The following SP100 variants were observed in gnomAD, a reference collection of about 807,000 sequenced individuals.
SP100 encodes SP100 nuclear body protein, also known as nuclear autoantigen Sp-100.
SP100 carries 84 observed loss-of-function variants against 130.0 expected under a neutral mutation model. The observed-to-expected ratio is 0.65, with a 90% CI of 0.54 to 0.77. The LOEUF is 0.77. Ranked by LOEUF, SP100 falls within the 30% of genes least tolerant of loss-of-function variation. The pLI, the probability that SP100 is intolerant of heterozygous loss-of-function variation, is 0.00. For missense variants in SP100, 978 were observed against 1,052.2 expected, an observed-to-expected ratio of 0.93 and a Z score of 0.97; for synonymous variants, 331 against 351.7, an observed-to-expected ratio of 0.94 and a Z score of 0.66.
chr2:230,511,196 A>G, intron 24 of SP100, 30 bp downstream of exon 24: 1 of 1,534,162 alleles, frequency 6.5e-7, no homozygotes, highest in Non-Finnish European at 9.0e-7. Context: ...TATGACCCCA[A>G]AATAAGTCAG....
chr2:230,431,650 G>A (rs1354028625), intron 2 of SP100, among the ~76,000 whole-genome samples: 1 of 152,124 alleles, frequency 6.6e-6, no homozygotes, highest in Non-Finnish European at 1.5e-5. Flanking sequence ...TAAGGTTCTA[G>A]CTTCAGCTCT....
intron 23 of SP100, chr2:230,510,423 G>T (rs1690485519): frequency 6.7e-6 from 1 of 149,950 alleles, no homozygotes; most frequent in Non-Finnish European, 1.4e-5. Flanking sequence ...AGCTGTGGAG[G>T]AAGAGTCGGC....
chr2:230,427,322 C>T (rs974114898), intron 2 of SP100, among the ~76,000 whole-genome samples: 5 of 152,002 alleles, frequency 3.3e-5, no homozygotes, highest in Admixed American at 6.5e-5. Context: ...CCACCACACC[C>T]GGCTAATTTT....
At chr2:230,462,777 T>C (rs970302051) in intron 10 of SP100, 1 of 452,202 alleles carries the variant, frequency 2.2e-6, no homozygotes, top group Non-Finnish European at 4.1e-6. Flanking sequence ...ATTGATTATA[T>C]AGTAGGAATA....
intron 2 of SP100, among the ~76,000 whole-genome samples, chr2:230,439,516 C>G (rs573069907): frequency 6.6e-6 from 1 of 152,122 alleles, no homozygotes; most frequent in South Asian, 2.1e-4. Context: ...TCTTTCACCT[C>G]CTTGGTTAGG....
chr2:230,510,725 G>C (rs890435804), intron 23 of SP100: 3 of 230,978 alleles, frequency 1.3e-5, no homozygotes, highest in African/African-American at 7.1e-5. Flanking sequence ...TTGATCTCTT[G>C]ACCTTGTGAT....
intron 2 of SP100, among the ~76,000 whole-genome samples, chr2:230,419,869 T>C (rs1213489263): frequency 6.6e-6 from 1 of 152,206 alleles, no homozygotes; most frequent in Admixed American, 6.5e-5. Flanking sequence ...TGAATTTGCG[T>C]TGGTGACCCA....
At chr2:230,492,535 G>A (rs1252391462) in intron 17 of SP100, among the ~76,000 whole-genome samples, 1 of 152,108 alleles carries the variant, frequency 6.6e-6, no homozygotes, top group Non-Finnish European at 1.5e-5. Context: ...CAAACTCCTG[G>A]CTTCAAGCGA....
chr2:230,471,274 G>A (rs1287964230), intron 15 of SP100, among the ~76,000 whole-genome samples: 2 of 152,088 alleles, frequency 1.3e-5, no homozygotes, highest in Non-Finnish European at 2.9e-5. Flanking sequence ...GTGAGAAGGA[G>A]AACGAAGTGT....
chr2:230,428,275 G>T (rs867880790), intron 2 of SP100, among the ~76,000 whole-genome samples: 12 of 152,256 alleles, frequency 7.9e-5, no homozygotes, highest in Middle Eastern at 3.4e-3. Context: ...CTGAGACTGT[G>T]TAATTTATAA....
chr2:230,466,617 T>C (rs1469281691), intron 12 of SP100, among the ~76,000 whole-genome samples: 1 of 152,150 alleles, frequency 6.6e-6, no homozygotes, highest in Non-Finnish European at 1.5e-5. Context: ...GAAGTTTGTA[T>C]TTTTTTCAAC....
intron 8 of SP100, among the ~76,000 whole-genome samples, chr2:230,459,097 A>T (rs959629176): frequency 1.3e-5 from 2 of 152,220 alleles, no homozygotes; most frequent in African/African-American, 4.8e-5. Flanking sequence ...TCTAAGAGAC[A>T]ATAATTTTTA....
chr2:230,527,650 T>A (rs1411929635), intron 24 of SP100, among the ~76,000 whole-genome samples: 2 of 152,088 alleles, frequency 1.3e-5, no homozygotes, highest in Non-Finnish European at 1.5e-5. Flanking sequence ...AGAGTCAAGA[T>A]CCATCAGTGT....
intron 17 of SP100, among the ~76,000 whole-genome samples, chr2:230,490,489 C>T (rs2066338208): frequency 6.6e-6 from 1 of 152,150 alleles, no homozygotes; most frequent in Non-Finnish European, 1.5e-5. Flanking sequence ...AGCCCATTTA[C>T]ATTTAAGGTT....
chr2:230,543,800 TA>T lies in SP100; in HGVS notation c.*858del. On this transcript the variant is annotated 3_prime_UTR_variant, in exon 29 of 29. Transcript: ENST00000340126. The stretch of plus-strand genomic sequence containing the variant: ...CAATGACATTCTTCACAGAACTAGA[TA>T]AAACTATTTTAAAATTCATACAGAA... 1.3e-5 allele frequency: 2 copies of T among 152,194 alleles called. No homozygotes were observed. The highest frequency in any genetic ancestry group is 4.1e-4 in the South Asian group (2 of 4,824). The allele number at this position is 152,194 out of a possible 1,614,324, so 9.4% of individuals were successfully genotyped here. A position where few individuals can be genotyped will look rare whatever the true frequency, so the allele number is the denominator to read the frequency against.
intron 19 of SP100, 151 bp downstream of exon 19, chr2:230,498,686 A>G: frequency 2.3e-6 from 1 of 427,212 alleles, no homozygotes; most frequent in Non-Finnish European, 4.1e-6. Context: ...GTCAGGGAAA[A>G]AAAGATGATA....
At chr2:230,468,543 G>A (rs1034408031) in intron 13 of SP100, among the ~76,000 whole-genome samples, 3 of 150,266 alleles carry the variant, frequency 2.0e-5, no homozygotes, top group Non-Finnish European at 4.5e-5. Flanking sequence ...GGTGGCTCAC[G>A]CCTATAATCC....
chr2:230,520,381 C>T (rs1418427158), intron 24 of SP100, among the ~76,000 whole-genome samples: 1 of 152,184 alleles, frequency 6.6e-6, no homozygotes, highest in Non-Finnish European at 1.5e-5. Flanking sequence ...CCATCCAAAA[C>T]CTTGAGAGAA....
chr2:230,440,515 AC>A (rs2063436419), intron 2 of SP100: 2 of 1,314,320 alleles, frequency 1.5e-6, no homozygotes, highest in Non-Finnish European at 2.0e-6. Flanking sequence ...GATGTACATG[AC>A]TTCTAAAAAC....
Sources: allele counts gnomAD v4.1 joint callset (sites outside exome capture counted in the v4.1 genomes callset), GRCh38; gene constraint gnomAD v4.1.1; transcripts MANE v1.5; gene names NCBI Gene and HGNC (gene_info 2026-07-23, HGNC 2026-07-21).